The following PGAP4 variants were observed in gnomAD, a reference collection of about 807,000 sequenced individuals.
PGAP4 encodes post-GPI attachment to proteins GalNAc transferase 4, also known as GPI-N-acetylgalactosamine transferase PGAP4.
In PGAP4, 12 loss-of-function variants were observed where a neutral mutation model predicts 28.2. That is an observed-to-expected ratio of 0.42 (90% CI 0.27 to 0.69). The LOEUF (loss-of-function observed/expected upper bound fraction) is 0.69, where lower values mean the gene tolerates loss of function less well. Among genes scored for constraint, PGAP4 ranks in the 30% least tolerant of loss-of-function variants. The pLI is 0.22. For synonymous variants in PGAP4, 205 were observed against 211.8 expected, an observed-to-expected ratio of 0.97 and a Z score of 0.28; for missense variants, 425 against 513.5, an observed-to-expected ratio of 0.83 and a Z score of 1.67.
intron 2 of PGAP4, among the ~76,000 whole-genome samples, chr9:101,525,517 G>A (rs1027561079): frequency 6.6e-6 from 1 of 151,808 alleles, no homozygotes; most frequent in African/African-American, 2.4e-5. Flanking sequence ...GACCAGCCTG[G>A]CCAACATGGC....
chr9:101,494,381 T>G (rs549157460), intron 2 of PGAP4, among the ~76,000 whole-genome samples: 34 of 152,062 alleles, frequency 2.2e-4, no homozygotes, highest in African/African-American at 7.0e-4. Context: ...TTTACAAAAG[T>G]ATACTTTCCC....
At chr9:101,483,479 A>G (rs1826541949) in intron 1 of PGAP4, among the ~76,000 whole-genome samples, 1 of 152,230 alleles carries the variant, frequency 6.6e-6, no homozygotes, top group Non-Finnish European at 1.5e-5. Flanking sequence ...GACTGTGTCC[A>G]GAACCCACAT....
intron 1 of PGAP4, among the ~76,000 whole-genome samples, chr9:101,479,535 G>A (rs1826422938): frequency 6.6e-6 from 1 of 152,114 alleles, no homozygotes; most frequent in Admixed American, 6.5e-5. Flanking sequence ...TTGGTCCCAG[G>A]GAATTTATCC....
chr9:101,513,177 TA>T (rs113524341), intron 2 of PGAP4, among the ~76,000 whole-genome samples: 13,529 of 152,206 alleles, frequency 0.089, 643 homozygotes, highest in Middle Eastern at 0.14. Context: ...GAGCAGTGGC[TA>T]ATATCTTGCC....
At chr9:101,501,763 A>G (rs1028804301) in intron 2 of PGAP4, 6 of 518,722 alleles carry the variant, frequency 1.2e-5, no homozygotes, top group Middle Eastern at 6.5e-4. Context: ...TGTCCCAACT[A>G]ACATCTGGAT....
chr9:101,497,561 A>C (rs1826762243), intron 2 of PGAP4, among the ~76,000 whole-genome samples: 1 of 151,648 alleles, frequency 6.6e-6, no homozygotes, highest in African/African-American at 2.4e-5. Flanking sequence ...ATATATAAAC[A>C]TATATGTGTG....
At chr9:101,531,238 A>ACG (rs1435097155) in intron 2 of PGAP4, 2 of 149,878 alleles carry the variant, frequency 1.3e-5, no homozygotes. Context: ...ACACACACAC[A>ACG]CAGAGTTGAT....
At chr9:101,484,492 C>T (rs1244381357) in intron 1 of PGAP4, among the ~76,000 whole-genome samples, 1 of 152,130 alleles carries the variant, frequency 6.6e-6, no homozygotes, top group Non-Finnish European at 1.5e-5. Flanking sequence ...AGCCAAAATT[C>T]GTGTTATAAA....
In PGAP4 at chr9:101,476,586, C is replaced by G; in HGVS notation, c.507G>C (p.Glu169Asp). 1 of 1,614,176 alleles carries G rather than the reference C, an allele frequency of 6.2e-7. No individual in the cohort carries two copies. Among genetic ancestry groups the G allele is most frequent in the Non-Finnish European group, 8.5e-7 (1 of 1,180,032 alleles). Residue 169 changes from glutamate (E) to aspartate (D), a missense_variant, in exon 2 of 2, where the codon GAG becomes GAC. Physicochemically the swap from Glu to Asp is conservative, Grantham distance 45. Transcript: ENST00000374848. This position sits in a 1 kb window ranked among gnomAD's most constrained non-coding sequence, Gnocchi z 7.0. ...CATCACCATAATCATCCTCAGTGCCCTCATAGCGATTGGCCACAGGGACAT... is the reference window on the plus strand; with the variant it reads ...CATCACCATAATCATCCTCAGTGCCGTCATAGCGATTGGCCACAGGGACAT... ...SKYVPVANRY[E>D]GTEDDYGDDP...
intron 2 of PGAP4, among the ~76,000 whole-genome samples, chr9:101,495,894 T>G (rs1826743341): frequency 6.6e-6 from 1 of 151,318 alleles, no homozygotes; most frequent in South Asian, 2.1e-4. Flanking sequence ...TACGTTTCCT[T>G]ATGTGAAGCT....
chr9:101,497,149 T>G (rs920910933), intron 2 of PGAP4, among the ~76,000 whole-genome samples: 4 of 151,166 alleles, frequency 2.6e-5, no homozygotes, highest in African/African-American at 9.7e-5. Flanking sequence ...AACTCAGACA[T>G]TTAATGAATA....
At chr9:101,532,095 C>A (rs764662584) in intron 1 of PGAP4, among the ~76,000 whole-genome samples, 3 of 152,100 alleles carry the variant, frequency 2.0e-5, no homozygotes, top group Non-Finnish European at 4.4e-5. Flanking sequence ...CATGGCGAAA[C>A]CCCATCTCTA....
intron 2 of PGAP4, among the ~76,000 whole-genome samples, chr9:101,521,100 C>T (rs561414907): frequency 6.6e-6 from 1 of 151,944 alleles, no homozygotes; most frequent in Non-Finnish European, 1.5e-5. Context: ...CTTTTTGATA[C>T]GTTGTTGGAT....
intron 1 of PGAP4, 118 bp from the exon 2 acceptor site, chr9:101,477,287 T>G: frequency 3.0e-6 from 2 of 660,370 alleles, no homozygotes; most frequent in African/African-American, 1.9e-5. Context: ...GAAATTATAA[T>G]AGGAGGCTCT....
chr9:101,478,687 A>G (rs1826395785), intron 1 of PGAP4, among the ~76,000 whole-genome samples: 1 of 152,190 alleles, frequency 6.6e-6, no homozygotes, highest in African/African-American at 2.4e-5. Context: ...CTGAATGGAG[A>G]GCCCTGGTGG....
intron 2 of PGAP4, among the ~76,000 whole-genome samples, chr9:101,530,286 C>T (rs1029305148): frequency 1.3e-5 from 2 of 152,188 alleles, no homozygotes; most frequent in African/African-American, 4.8e-5. Context: ...AGAGGCGTGT[C>T]GCCTTATGCC....
At chr9:101,500,669 GA>G (rs1188278811) in intron 2 of PGAP4, among the ~76,000 whole-genome samples, 1 of 151,872 alleles carries the variant, frequency 6.6e-6, no homozygotes, top group Non-Finnish European at 1.5e-5. Flanking sequence ...GAGTCCTTTT[GA>G]AAAGAAGGTA....
At chr9:101,527,365 A>G (rs1480778068) in intron 2 of PGAP4, among the ~76,000 whole-genome samples, 1 of 152,158 alleles carries the variant, frequency 6.6e-6, no homozygotes, top group Non-Finnish European at 1.5e-5. Flanking sequence ...CTTTTAACTG[A>G]ATTTGGCCAT....
rs1037820064 is a variant in PGAP4 at position 101,477,111 on chromosome 9, T to C, written c.-19A>G. Reference sequence around the variant, plus strand: ...TGCTCATGAGGTCAACTTTTGTTCATGTCTGGTCCCAAGAAAAAACCATCC... The same window carrying C: ...TGCTCATGAGGTCAACTTTTGTTCACGTCTGGTCCCAAGAAAAAACCATCC... On this transcript the variant is annotated 5_prime_UTR_variant, in exon 2 of 2. The change abolishes an upstream ATG in the 5' untranslated region. Transcript: ENST00000374848. The C allele has an allele frequency of 2.7e-5, 42 of 1,533,252 alleles. No individual in the cohort carries two copies. The highest frequency in any genetic ancestry group is 3.6e-5 in the Non-Finnish European group (41 of 1,143,998). 95.0% of individuals were successfully genotyped at this position (1,533,252 alleles called of 1,614,324 possible). A position where few individuals can be genotyped will look rare whatever the true frequency, so the allele number is the denominator to read the frequency against.
Sources: allele counts gnomAD v4.1 joint callset (sites outside exome capture counted in the v4.1 genomes callset), GRCh38; gene constraint gnomAD v4.1.1; non-coding constraint Gnocchi (gnomAD v3.1); transcripts MANE v1.5; gene names NCBI Gene and HGNC (gene_info 2026-07-23, HGNC 2026-07-21).